PRKG1: variants seen among roughly 807,000 people sequenced by gnomAD.
PRKG1 encodes the protein protein kinase cGMP-dependent 1.
In PRKG1, 35 loss-of-function variants were observed where a neutral mutation model predicts 88.1. The observed-to-expected ratio is 0.40, with a 90% confidence interval of 0.30 to 0.53. PRKG1 has a LOEUF of 0.53. PRKG1 is among the 20% of genes least tolerant of loss of function. The pLI, the probability that PRKG1 is intolerant of heterozygous loss-of-function variation, is 0.59. For missense variants in PRKG1, 540 were observed against 839.8 expected, an observed-to-expected ratio of 0.64 and a Z score of 4.41; for synonymous variants, 303 against 292.5, an observed-to-expected ratio of 1.04 and a Z score of -0.37.
chr10:52,175,431 T>C (rs1838835681), intron 9 of PRKG1, among the ~76,000 whole-genome samples: 1 of 152,162 alleles, frequency 6.6e-6, no homozygotes, highest in Non-Finnish European at 1.5e-5. Context: ...TCTTGGCTAT[T>C]GTGAATAGTA....
At chr10:51,513,986 G>A (rs10997882) in intron 3 of PRKG1, among the ~76,000 whole-genome samples, 1 of 137,882 alleles carries the variant, frequency 7.3e-6, no homozygotes, top group African/African-American at 2.8e-5. Context: ...AGGCAAGAAA[G>A]AACCAAGATC....
intron 2 of PRKG1, among the ~76,000 whole-genome samples, chr10:51,420,158 G>C (rs752956005): frequency 6.6e-6 from 1 of 152,116 alleles, no homozygotes; most frequent in Non-Finnish European, 1.5e-5. Flanking sequence ...TTCCAGTCAT[G>C]GTGGAAGTTG....
chr10:51,180,727 C>T (rs1403192694), intron 2 of PRKG1, among the ~76,000 whole-genome samples: 1 of 152,186 alleles, frequency 6.6e-6, no homozygotes, highest in East Asian at 1.9e-4. Context: ...AAATACATGG[C>T]ATCTCTCATT....
chr10:51,234,095 AT>A (rs1838917409), intron 2 of PRKG1, among the ~76,000 whole-genome samples: 1 of 152,120 alleles, frequency 6.6e-6, no homozygotes, highest in South Asian at 2.1e-4. Context: ...TTGCCCCACT[AT>A]GTGACTTTAA....
At chr10:52,268,543 A>G (rs1397424159) in intron 10 of PRKG1, among the ~76,000 whole-genome samples, 1 of 152,052 alleles carries the variant, frequency 6.6e-6, no homozygotes, top group Non-Finnish European at 1.5e-5. Context: ...GCTTAAAGGT[A>G]ATAGAAATAT....
At chr10:51,913,273 C>T (rs1196667302) in intron 5 of PRKG1, among the ~76,000 whole-genome samples, 3 of 152,102 alleles carry the variant, frequency 2.0e-5, no homozygotes, top group Non-Finnish European at 4.4e-5. Flanking sequence ...GTTTGTTACA[C>T]GAGGATATTG....
chr10:51,053,209 G>C (rs1049625767), intron 1 of PRKG1, among the ~76,000 whole-genome samples: 1 of 151,446 alleles, frequency 6.6e-6, no homozygotes, highest in Non-Finnish European at 1.5e-5. Flanking sequence ...CAGTCTGGGC[G>C]ATAGCGCAAG....
intron 3 of PRKG1, among the ~76,000 whole-genome samples, chr10:51,618,190 G>A (rs371369151): frequency 6.6e-6 from 1 of 152,180 alleles, no homozygotes; most frequent in East Asian, 1.9e-4. Flanking sequence ...CTTGGAGGCT[G>A]TAGAAAGCTT....
chr10:52,287,549 A>G (rs1281137311), intron 14 of PRKG1, among the ~76,000 whole-genome samples: 1 of 152,096 alleles, frequency 6.6e-6, no homozygotes, highest in African/African-American at 2.4e-5. Context: ...CCTGTATTAA[A>G]GAGAGTAATT....
chr10:52,099,523 T>C (rs1024390988), intron 7 of PRKG1, among the ~76,000 whole-genome samples: 2 of 152,184 alleles, frequency 1.3e-5, no homozygotes, highest in Non-Finnish European at 2.9e-5. Context: ...CTTTTCTCTA[T>C]GGTTTTTCTT....
chr10:51,592,206 C>T lies in PRKG1; in HGVS notation c.592+124370C>T, dbSNP rs908537238. On this transcript the variant is annotated intron_variant, in intron 3 of 17. Transcript: ENST00000373980. The stretch of plus-strand genomic sequence containing the variant: ...TTCGAGGAAATCAAAAGAGGCTGCC[C>T]TTTTCTCTATTCAGAACTGCTGAAA... Among the ~76,000 whole-genome samples the T allele has an allele frequency of 2.0e-5, 3 of 152,110 alleles. No individual in the cohort carries two copies. In the South Asian group the frequency reaches 6.2e-4, roughly 32 times the overall value.
intron 4 of PRKG1, among the ~76,000 whole-genome samples, chr10:51,888,148 C>T (rs1261630895): frequency 6.6e-6 from 1 of 151,820 alleles, no homozygotes; most frequent in Non-Finnish European, 1.5e-5. Flanking sequence ...GCTTATGGCC[C>T]AACTCATTAA....
intron 1 of PRKG1, among the ~76,000 whole-genome samples, chr10:51,079,209 A>G (rs1414115128): frequency 1.3e-5 from 2 of 152,232 alleles, no homozygotes; most frequent in African/African-American, 4.8e-5. Flanking sequence ...AGAGCTACAT[A>G]GGTCCTACCA....
chr10:52,195,920 T>G (rs1459231922), intron 9 of PRKG1, among the ~76,000 whole-genome samples: 1 of 152,180 alleles, frequency 6.6e-6, no homozygotes, highest in South Asian at 2.1e-4. Context: ...CCTATGATTT[T>G]CATGGTTCAA....
chr10:51,960,122 C>CTTT (rs3029953), intron 5 of PRKG1, among the ~76,000 whole-genome samples: 16,645 of 144,568 alleles, frequency 0.12, 1,184 homozygotes, highest in East Asian at 0.36. Context: ...CTTTGGTTTC[C>CTTT]TTTTTTTTTT....
intron 9 of PRKG1, among the ~76,000 whole-genome samples, chr10:52,181,419 CT>C (rs761799361): frequency 0.089 from 4,914 of 55,266 alleles, 149 homozygotes; most frequent in African/African-American, 0.18. Context: ...CACAGCTCTT[CT>C]TTTTTTTTTT....
chr10:52,025,922 A>G (rs1845324401), intron 5 of PRKG1, among the ~76,000 whole-genome samples: 1 of 151,910 alleles, frequency 6.6e-6, no homozygotes, highest in Admixed American at 6.6e-5. Flanking sequence ...AAACTATACT[A>G]CAAGGCTACA....
chr10:51,049,095 G>T (rs1843527914), intron 1 of PRKG1, among the ~76,000 whole-genome samples: 1 of 152,130 alleles, frequency 6.6e-6, no homozygotes, highest in Admixed American at 6.6e-5. Context: ...GAAAGGAAGA[G>T]CTCCCGCGTC....
intron 4 of PRKG1, among the ~76,000 whole-genome samples, chr10:51,842,152 T>C (rs1255740513): frequency 9.9e-5 from 15 of 152,202 alleles, no homozygotes; most frequent in Admixed American, 6.5e-5. Flanking sequence ...ACTTGTCCTA[T>C]GGGCTTTGAA....
Sources: gnomAD v4.1 joint callset for allele counts (sites outside exome capture counted in the v4.1 genomes callset) on GRCh38, gnomAD v4.1.1 for gene constraint, MANE v1.5 for transcripts, NCBI Gene and HGNC (gene_info 2026-07-23, HGNC 2026-07-21) for gene names.